Variants in ZBTB44 observed in about 807,000 individuals in gnomAD.
ZBTB44 encodes zinc finger and BTB domain-containing protein 44.
Under a neutral mutation model 54.0 loss-of-function variants are expected in ZBTB44, and 15 were observed. That is an observed-to-expected ratio of 0.28 (90% CI 0.19 to 0.43). The LOEUF is 0.43. Ranked by LOEUF, ZBTB44 falls within the 20% of genes least tolerant of loss-of-function variation. The pLI, the probability that ZBTB44 is intolerant of heterozygous loss-of-function variation, is 1.00. For missense variants in ZBTB44, 487 were observed against 707.1 expected, an observed-to-expected ratio of 0.69 and a Z score of 3.53; for synonymous variants, 230 against 250.1, an observed-to-expected ratio of 0.92 and a Z score of 0.76.
intron 1 of ZBTB44, among the ~76,000 whole-genome samples, chr11:130,263,834 A>C (rs910953907): frequency 1.3e-5 from 2 of 152,000 alleles, no homozygotes; most frequent in African/African-American, 4.8e-5. Context: ...TTCCCTGCTT[A>C]CTCCCCTGCA....
chr11:130,262,011 T>A, intron 1 of ZBTB44, 82 bp from the exon 2 acceptor site: 1 of 1,042,252 alleles, frequency 9.6e-7, no homozygotes, highest in Non-Finnish European at 1.3e-6. Flanking sequence ...GTGGCCACTG[T>A]ACTAAATTAA....
chr11:130,269,657 G>C (rs1939528251), intron 1 of ZBTB44, among the ~76,000 whole-genome samples: 1 of 152,074 alleles, frequency 6.6e-6, no homozygotes, highest in Non-Finnish European at 1.5e-5. Context: ...TGCCAAATAA[G>C]GTATACAGCC....
intron 2 of ZBTB44, among the ~76,000 whole-genome samples, chr11:130,252,142 C>T (rs1938057680): frequency 6.6e-6 from 1 of 152,172 alleles, no homozygotes; most frequent in Non-Finnish European, 1.5e-5. Flanking sequence ...TCTGATAAAA[C>T]AGTCTTTAAA....
At chr11:130,244,683 A>AAG (rs1954564379) in intron 2 of ZBTB44, among the ~76,000 whole-genome samples, 13 of 79,068 alleles carry the variant, frequency 1.6e-4, no homozygotes, top group Admixed American at 3.8e-4. Flanking sequence ...AAAAAAAAAA[A>AAG]AAAGAAAGAA....
At chr11:130,310,774 G>T (rs1489994567) in intron 1 of ZBTB44, among the ~76,000 whole-genome samples, 1 of 151,806 alleles carries the variant, frequency 6.6e-6, no homozygotes. Flanking sequence ...ATGGAGTCCC[G>T]CTTTGTCACC....
At chr11:130,252,372 C>G (rs1938082182) in intron 2 of ZBTB44, among the ~76,000 whole-genome samples, 1 of 152,216 alleles carries the variant, frequency 6.6e-6, no homozygotes, top group Non-Finnish European at 1.5e-5. Flanking sequence ...ATCAACGAGA[C>G]AGAAAATTAA....
At chr11:130,237,154 T>G in intron 4 of ZBTB44, 61 bp from the exon 5 acceptor site, 1 of 1,377,134 alleles carries the variant, frequency 7.3e-7, no homozygotes, top group Non-Finnish European at 9.5e-7. Context: ...TCATAAACCC[T>G]ACAAATTTCT....
chr11:130,257,149 C>A (rs1190153659), intron 2 of ZBTB44, among the ~76,000 whole-genome samples: 1 of 148,396 alleles, frequency 6.7e-6, no homozygotes, highest in Non-Finnish European at 1.5e-5. Flanking sequence ...AGAGCCAAAT[C>A]ATGAGTGAAC....
Position 130,230,565 on chromosome 11 carries a change from C to A in ZBTB44, c.*1199G>T, listed in dbSNP as rs1953842371. 2.0e-5 allele frequency: 3 copies of A among 147,604 alleles called. No individual in the cohort carries two copies. Among genetic ancestry groups the A allele is most frequent in the African/African-American group, 2.5e-5 (1 of 39,494 alleles). 9.1% of individuals were successfully genotyped at this position (147,604 alleles called of 1,614,324 possible). On this transcript the variant is annotated 3_prime_UTR_variant, in exon 8 of 8. Transcript: ENST00000357899. Reference sequence around the variant, plus strand: ...AAACATTTTAGTATATTTTGTCTTACTGAAATTGATAAAAAAAAAAAACTG... The same window carrying A: ...AAACATTTTAGTATATTTTGTCTTAATGAAATTGATAAAAAAAAAAAACTG...
chr11:130,307,569 G>A lies in ZBTB44; in HGVS notation c.-57+6806C>T, dbSNP rs79804771. Among the ~76,000 whole-genome samples, 1,311 of 152,132 alleles carry A rather than the reference G, an allele frequency of 8.6e-3. 18 individuals carry two copies. The highest frequency in any genetic ancestry group is 0.027 in the Middle Eastern group (8 of 294). Reference sequence around the variant, plus strand: ...CTGAAGCAAGGGGTCAGAAACTCCCGCACCTATGAGAAAGGAAAATGATAT... The same window carrying A: ...CTGAAGCAAGGGGTCAGAAACTCCCACACCTATGAGAAAGGAAAATGATAT... On this transcript the variant is annotated intron_variant, in intron 1 of 7. Transcript: ENST00000357899.
At position 130,229,008 on chromosome 11, in the gene ZBTB44, T is replaced by C. The variant is rs966311393; in HGVS notation, c.*2756A>G. The C allele has an allele frequency of 1.3e-5, 2 of 152,224 alleles. No homozygotes were observed. The highest frequency in any genetic ancestry group is 4.8e-5 in the African/African-American group (2 of 41,466). The allele number at this position is 152,224 out of a possible 1,614,324, so 9.4% of individuals were successfully genotyped here. A position where few individuals can be genotyped will look rare whatever the true frequency, so the allele number is the denominator to read the frequency against. ...GCAGTCCTTACTCTTAAGTTCTCTG[T>C]AAACTATTATGCACACAGAAACCTT... On this transcript the variant is annotated 3_prime_UTR_variant, in exon 8 of 8. Transcript: ENST00000357899.
At chr11:130,313,069 C>G (rs542664463) in intron 1 of ZBTB44, among the ~76,000 whole-genome samples, 1 of 152,144 alleles carries the variant, frequency 6.6e-6, no homozygotes, top group East Asian at 1.9e-4. Context: ...CTCTATACGA[C>G]TAAAATTTTT....
chr11:130,260,553 T>C (rs79763184), intron 2 of ZBTB44, among the ~76,000 whole-genome samples: 1,984 of 152,314 alleles, frequency 0.013, 48 homozygotes, highest in African/African-American at 0.045. Flanking sequence ...GCTTGGCACA[T>C]GGTAAGTTTT....
At chr11:130,253,751 T>C (rs1218413198) in intron 2 of ZBTB44, among the ~76,000 whole-genome samples, 30 of 152,142 alleles carry the variant, frequency 2.0e-4, no homozygotes, top group Admixed American at 1.8e-3. Context: ...AAAAAGAGCC[T>C]GCATTGCCAA....
chr11:130,259,104 C>T (rs1169838391), intron 2 of ZBTB44, among the ~76,000 whole-genome samples: 1 of 152,202 alleles, frequency 6.6e-6, no homozygotes. Flanking sequence ...ACATTCCATG[C>T]TCATGGATAG....
intron 2 of ZBTB44, among the ~76,000 whole-genome samples, chr11:130,256,387 C>T (rs887107141): frequency 4.6e-5 from 7 of 152,194 alleles, no homozygotes; most frequent in Non-Finnish European, 8.8e-5. Context: ...CAATAAAATT[C>T]AACACCCTGG....
intron 4 of ZBTB44, among the ~76,000 whole-genome samples, chr11:130,237,672 TCA>T (rs1219562123): frequency 6.6e-6 from 1 of 152,222 alleles, no homozygotes; most frequent in African/African-American, 2.4e-5. Flanking sequence ...AAATTCATTA[TCA>T]CAGTGTTTTG....
intron 1 of ZBTB44, among the ~76,000 whole-genome samples, chr11:130,287,912 A>G (rs774502608): frequency 6.6e-6 from 1 of 151,960 alleles, no homozygotes; most frequent in Non-Finnish European, 1.5e-5. Context: ...TCACCTAAAA[A>G]TAACAGTACA....
chr11:130,284,589 C>T (rs1487824989), intron 1 of ZBTB44, among the ~76,000 whole-genome samples: 2 of 152,154 alleles, frequency 1.3e-5, no homozygotes, highest in African/African-American at 4.8e-5. Flanking sequence ...GCACTGTTGG[C>T]CAAGCGTGGT....
Sources: gnomAD v4.1 joint callset for allele counts (sites outside exome capture counted in the v4.1 genomes callset) on GRCh38, gnomAD v4.1.1 for gene constraint, MANE v1.5 for transcripts, NCBI Gene and HGNC (gene_info 2026-07-23, HGNC 2026-07-21) for gene names.